RAPGEF1: variants seen among roughly 807,000 people sequenced by gnomAD.
RAPGEF1 encodes the protein Rap guanine nucleotide exchange factor 1.
Under a neutral mutation model 143.3 loss-of-function variants are expected in RAPGEF1, and 33 were observed. The ratio of observed to expected loss-of-function variants is 0.23; its 90% CI spans 0.17 to 0.31. The LOEUF is 0.31. Ranked by LOEUF, RAPGEF1 falls within the 10% of genes least tolerant of loss-of-function variation. RAPGEF1 has a pLI of 1.00. For missense variants in RAPGEF1, 1,199 were observed against 1,645.4 expected, an observed-to-expected ratio of 0.73 and a Z score of 4.69; for synonymous variants, 629 against 676.5, an observed-to-expected ratio of 0.93 and a Z score of 1.09.
chr9:131,734,027 T>G lies in RAPGEF1; in HGVS notation c.61+5743A>C, dbSNP rs554101783. On this transcript the variant is annotated intron_variant, in intron 1 of 26. Coordinates refer to ENST00000683357, the MANE Select transcript of RAPGEF1 (RefSeq NM_001377935.1). ...TATTTCTTATCTCTCTACAGCACTGTTAATGTGACTAGTATTACGAGTATC... is the reference window on the plus strand; with the variant it reads ...TATTTCTTATCTCTCTACAGCACTGGTAATGTGACTAGTATTACGAGTATC... Among the ~76,000 whole-genome samples, 3 of 152,338 alleles carry G rather than the reference T, an allele frequency of 2.0e-5. No individual in the cohort carries two copies. In the South Asian group the frequency reaches 6.2e-4, roughly 32 times the overall value.
intron 22 of RAPGEF1, among the ~76,000 whole-genome samples, chr9:131,586,401 AACAC>A (rs58177991): frequency 2.4e-4 from 3 of 12,468 alleles, no homozygotes; most frequent in Admixed American, 8.1e-4. Flanking sequence ...CTCCGTCTCA[AACAC>A]ACACACACAC....
At chr9:131,624,376 A>G (rs1357189524) in intron 10 of RAPGEF1, among the ~76,000 whole-genome samples, 2 of 152,182 alleles carry the variant, frequency 1.3e-5, no homozygotes, top group African/African-American at 4.8e-5. Context: ...GGAGACAGTG[A>G]TGAATTGGTT....
At chr9:131,712,721 A>AG (rs1835595770) in intron 1 of RAPGEF1, among the ~76,000 whole-genome samples, 1 of 152,236 alleles carries the variant, frequency 6.6e-6, no homozygotes, top group Non-Finnish European at 1.5e-5. Context: ...CCTAGGTTCC[A>AG]AACAACTAAT....
In RAPGEF1 at chr9:131,641,072, CA is replaced by C. The variant is rs1967820101; in HGVS notation, c.494+2166del. Among the ~76,000 whole-genome samples, 1 of 152,052 alleles carries C rather than the reference CA, an allele frequency of 6.6e-6. No individual in the cohort carries two copies. Among genetic ancestry groups the C allele is most frequent in the African/African-American group, 2.4e-5 (1 of 41,396 alleles). On this transcript the variant is annotated intron_variant, in intron 4 of 26. Coordinates refer to ENST00000683357, the MANE Select transcript of RAPGEF1 (RefSeq NM_001377935.1). The surrounding 1 kb of genome is among the most constrained non-coding windows in gnomAD (Gnocchi z 4.6). ...CAATTAAGAGCCACCCCTCAATAGA[CA>C]AAAAATACCCCCAGCCATTACCATG...
At chr9:131,600,386 C>T (rs545708751) in intron 15 of RAPGEF1, among the ~76,000 whole-genome samples, 19 of 152,288 alleles carry the variant, frequency 1.2e-4, no homozygotes, top group African/African-American at 4.3e-4. Context: ...TTGGCCCACA[C>T]ACTCTGCCCC....
chr9:131,631,382 C>T (rs1358889084), intron 5 of RAPGEF1, among the ~76,000 whole-genome samples: 1 of 152,222 alleles, frequency 6.6e-6, no homozygotes, highest in African/African-American at 2.4e-5. Flanking sequence ...CCTGTCCGCA[C>T]ATCTTTGCCT....
At chr9:131,589,695 G>A (rs1229117684) in intron 19 of RAPGEF1, among the ~76,000 whole-genome samples, 191 bp downstream of exon 19, 1 of 152,188 alleles carries the variant, frequency 6.6e-6, no homozygotes, top group African/African-American at 2.4e-5. Context: ...GAAATCCAGG[G>A]CCTGGGTGCA....
At chr9:131,653,503 G>T (rs1300872762) in intron 1 of RAPGEF1, among the ~76,000 whole-genome samples, 1 of 152,194 alleles carries the variant, frequency 6.6e-6, no homozygotes, top group Non-Finnish European at 1.5e-5. Flanking sequence ...CAAAGAGTCT[G>T]AGCAGACATT....
At position 131,586,695 on chromosome 9, in the gene RAPGEF1, A is replaced by AAC. The variant is rs1173427950; in HGVS notation, c.3233+1039_3233+1040dup. On this transcript the variant is annotated intron_variant, in intron 22 of 26. Coordinates refer to ENST00000683357, the MANE Select transcript of RAPGEF1 (RefSeq NM_001377935.1). ...CCCTGCAGAGTGAGACTCCGTCTCA[A>AAC]ACACACACACACACCTGCAGAGCGA... Among the ~76,000 whole-genome samples, 5 of 74,012 alleles carry AAC rather than the reference A, an allele frequency of 6.8e-5. 1 individual carries two copies. The highest frequency in any genetic ancestry group is 9.9e-5 in the Non-Finnish European group (4 of 40,208). The allele number at this position is 74,012 out of a possible 152,430, so 48.6% of individuals were successfully genotyped here. A position where few individuals can be genotyped will look rare whatever the true frequency, so the allele number is the denominator to read the frequency against.
At chr9:131,617,700 A>G (rs1186268030) in intron 12 of RAPGEF1, among the ~76,000 whole-genome samples, 2 of 152,240 alleles carry the variant, frequency 1.3e-5, no homozygotes, top group Non-Finnish European at 2.9e-5. Context: ...ACATACCTAG[A>G]CATTTCATAT....
intron 1 of RAPGEF1, among the ~76,000 whole-genome samples, chr9:131,660,997 T>C (rs1230236791): frequency 6.6e-6 from 1 of 152,200 alleles, no homozygotes; most frequent in African/African-American, 2.4e-5. Context: ...ACCACTGAGC[T>C]ACCACCACAA....
At chr9:131,695,092 T>G (rs903989806) in intron 1 of RAPGEF1, among the ~76,000 whole-genome samples, 1 of 151,918 alleles carries the variant, frequency 6.6e-6, no homozygotes, top group Non-Finnish European at 1.5e-5. Flanking sequence ...ACTAGCAATA[T>G]AGGTTTCATG....
chr9:131,588,085 G>A, intron 20 of RAPGEF1, 59 bp from the exon 21 acceptor site: 4 of 1,414,930 alleles, frequency 2.8e-6, no homozygotes, highest in South Asian at 1.2e-5. Flanking sequence ...GGGGAGGGCT[G>A]AGCAGGCCCG....
rs769139323 is a variant in RAPGEF1 at position 131,622,007 on chromosome 9, C to T, written c.1703-9G>A. ...CTGCATGTAGGCCAGCACTGTGAAA[C>T]AAGGGAGAAAGCTGCAGCGAGGCCG... is the stretch of plus-strand genomic sequence containing the variant. On this transcript the variant is annotated splice_polypyrimidine_tract_variant and intron_variant, in intron 10 of 26. Transcript: ENST00000683357. 1.9e-6 allele frequency: 3 copies of T among 1,611,350 alleles called. No individual in the cohort carries two copies. The highest frequency in any genetic ancestry group is 2.2e-5 in the East Asian group (1 of 44,788).
In RAPGEF1 at chr9:131,650,233, C is replaced by T; in HGVS notation, c.211G>A (p.Asp71Asn). ...GGGTAGCCCTCTGGTAGAAATCTGT[C>T]TGTTGCCTCCTGGAAGAGAGGAAAC... ...PEKPVNKEAT[D>N]RFLPEGYPLP... The change falls in exon 3 of 27, where the codon GAC becomes AAC. Residue 71 changes from aspartate (D) to asparagine (N), a missense_variant. Transcript: ENST00000683357. This position sits in a 1 kb window ranked among gnomAD's most constrained non-coding sequence, Gnocchi z 4.7. The T allele has an allele frequency of 6.2e-7, 1 of 1,611,094 alleles. No homozygotes were observed. The highest frequency in any genetic ancestry group is 8.5e-7 in the Non-Finnish European group (1 of 1,177,692).
chr9:131,624,107 G>T (rs545992630), intron 10 of RAPGEF1, among the ~76,000 whole-genome samples: 6 of 152,172 alleles, frequency 3.9e-5, no homozygotes, highest in African/African-American at 1.4e-4. Flanking sequence ...TTCCTCCTCG[G>T]CTTGGGAGGA....
At chr9:131,648,935 T>C (rs1050529356) in intron 3 of RAPGEF1, among the ~76,000 whole-genome samples, 1 of 152,242 alleles carries the variant, frequency 6.6e-6, no homozygotes, top group Non-Finnish European at 1.5e-5. Flanking sequence ...GCTGTGACAG[T>C]AGTTCTGCTA....
intron 1 of RAPGEF1, chr9:131,737,266 T>A (rs547170980): frequency 7.2e-7 from 1 of 1,392,642 alleles, no homozygotes; most frequent in East Asian, 2.3e-5. Flanking sequence ...CCGCAGCTCC[T>A]GGTCAGCCCC....
At chr9:131,694,943 T>C (rs1196621804) in intron 1 of RAPGEF1, among the ~76,000 whole-genome samples, 6 of 133,574 alleles carry the variant, frequency 4.5e-5, no homozygotes, top group African/African-American at 1.1e-4. Flanking sequence ...TGCTATCCCT[T>C]CCCCCTCCCC....
Sources: gnomAD v4.1 joint callset for allele counts (sites outside exome capture counted in the v4.1 genomes callset) on GRCh38, gnomAD v4.1.1 for gene constraint, Gnocchi (gnomAD v3.1) non-coding constraint, MANE v1.5 for transcripts, NCBI Gene and HGNC (gene_info 2026-07-23, HGNC 2026-07-21) for gene names.